The following TNRC6C variants were observed in gnomAD, a reference collection of about 807,000 sequenced individuals.
TNRC6C encodes trinucleotide repeat containing adaptor 6C.
In TNRC6C, 20 loss-of-function variants were observed where a neutral mutation model predicts 153.7. That is an observed-to-expected ratio of 0.13 (90% CI 0.09 to 0.19). TNRC6C has a LOEUF of 0.19. TNRC6C is among the 10% of genes least tolerant of loss of function. The pLI is 1.00. For synonymous variants in TNRC6C, 811 were observed against 841.4 expected (o/e 0.96, Z 0.63); for missense variants, 1,987 against 2,172.0 (o/e 0.91, Z 1.69).
chr17:78,039,455 A>G (rs1232551765), intron 2 of TNRC6C, among the ~76,000 whole-genome samples: 1 of 152,190 alleles, frequency 6.6e-6, no homozygotes, highest in Non-Finnish European at 1.5e-5. Flanking sequence ...CAAGTATCCC[A>G]TTTTAGAAGG....
rs753093808 is a variant in TNRC6C at position 78,049,323 on chromosome 17, G to T, written c.261G>T (p.Trp87Cys). 20 of 1,613,830 alleles carry T rather than the reference G, an allele frequency of 1.2e-5. No homozygotes were observed. The South Asian group carries it at 2.2e-4, about 18-fold the overall frequency. The change falls in exon 3 of 20, where the codon TGG becomes TGT. Residue 87 changes from tryptophan (W) to cysteine (C), a missense_variant. Around this residue, in one of 4 missense-constraint regions of TNRC6C, gnomAD observed 1,052 missense variants for 1,017.0 expected, o/e 1.03. Transcript: ENST00000301624. This position sits in a 1 kb window ranked among gnomAD's most constrained non-coding sequence, Gnocchi z 4.1. ...GAGATGGGAGAAGTCAGAATTGCTGGGGTGCTTCCAACTCCAATGCTGGCA... is the reference window on the plus strand; with the variant it reads ...GAGATGGGAGAAGTCAGAATTGCTGTGGTGCTTCCAACTCCAATGCTGGCA...
rs148761747 is a variant in TNRC6C at position 78,039,193 on chromosome 17, T to C, written c.-219+7351T>C. 1.7e-3 allele frequency among the ~76,000 whole-genome samples: 265 copies of C among 152,116 alleles called. 1 individual carries two copies. The highest frequency in any genetic ancestry group is 3.4e-3 in the Middle Eastern group (1 of 294). ...GGCACAGGTGTAGATAGCATTAGTCTTCCAGTGACCAGCAATCTCACTTTA... is the reference window on the plus strand; with the variant it reads ...GGCACAGGTGTAGATAGCATTAGTCCTCCAGTGACCAGCAATCTCACTTTA... On this transcript the variant is annotated intron_variant, in intron 2 of 19. Coordinates refer to ENST00000301624, the Ensembl canonical transcript of TNRC6C.
At chr17:78,087,032 A>G (rs780096535) in exon 13 of TNRC6C, 1 of 1,613,110 alleles carries the variant, frequency 6.2e-7, no homozygotes, top group Non-Finnish European at 8.5e-7. Context: ...CTCCCGGCCT[A>G]CCTGACCTGC....
intron 2 of TNRC6C, among the ~76,000 whole-genome samples, chr17:78,042,724 A>G (rs1052587080): frequency 6.6e-6 from 1 of 151,736 alleles, no homozygotes; most frequent in Non-Finnish European, 1.5e-5. Flanking sequence ...TGGTGGAGAT[A>G]ACAATGATGG....
intron 17 of TNRC6C, among the ~76,000 whole-genome samples, chr17:78,102,124 C>T (rs917673943): frequency 6.6e-5 from 10 of 152,324 alleles, no homozygotes; most frequent in Admixed American, 6.5e-4. Flanking sequence ...GCACTGATTC[C>T]ACACCGGGTC....
chr17:78,044,062 G>C (rs765753060), intron 2 of TNRC6C, among the ~76,000 whole-genome samples: 1 of 151,766 alleles, frequency 6.6e-6, no homozygotes, highest in Non-Finnish European at 1.5e-5. Context: ...CTTTCTTTTG[G>C]GTATATACCT....
chr17:78,026,106 A>G (rs1405927317), intron 1 of TNRC6C, among the ~76,000 whole-genome samples: 2 of 152,182 alleles, frequency 1.3e-5, no homozygotes, highest in African/African-American at 2.4e-5. Context: ...TTATTTCATC[A>G]ACTAATTTTT....
At chr17:78,026,723 C>T (rs1444334004) in intron 1 of TNRC6C, among the ~76,000 whole-genome samples, 2 of 152,042 alleles carry the variant, frequency 1.3e-5, no homozygotes, top group Non-Finnish European at 2.9e-5. Flanking sequence ...AGTTTTAAAC[C>T]AGGGAGGAGA....
At chr17:78,004,744 C>A (rs1018283543), upstream of TNRC6C, among the ~76,000 whole-genome samples, 2 of 151,994 alleles carry the variant, frequency 1.3e-5, no homozygotes, top group Non-Finnish European at 2.9e-5. Flanking sequence ...CCAAGTTATG[C>A]CATTTGTCTT....
chr17:77,966,727 T>A (rs1272466780), intron 1 of TNRC6C, among the ~76,000 whole-genome samples: 1 of 152,216 alleles, frequency 6.6e-6, no homozygotes, highest in Non-Finnish European at 1.5e-5. Context: ...AGCCATGTAA[T>A]AATAGACGTC....
chr17:78,050,055 C>T, exon 3 of TNRC6C: 1 of 1,610,816 alleles, frequency 6.2e-7, no homozygotes, highest in South Asian at 1.1e-5. Flanking sequence ...GGGGCCACCC[C>T]AGCCGAAGCA....
chr17:78,076,993 C>T (rs188690735), intron 8 of TNRC6C, among the ~76,000 whole-genome samples, 192 bp from the exon 11 acceptor site: 12 of 152,340 alleles, frequency 7.9e-5, no homozygotes, highest in African/African-American at 2.9e-4. Context: ...AAACTGAAAA[C>T]AGCATCTTAA....
In TNRC6C at chr17:78,087,208, A is replaced by T. The variant is rs2073310814; in HGVS notation, c.3802+115A>T. 2.0e-6 allele frequency: 3 copies of T among 1,474,458 alleles called. No individual in the cohort carries two copies. The East Asian group carries it at 7.1e-5, about 35-fold the overall frequency. The allele number at this position is 1,474,458 out of a possible 1,614,324, so 91.3% of individuals were successfully genotyped here. A position where few individuals can be genotyped will look rare whatever the true frequency, so the allele number is the denominator to read the frequency against. On this transcript the variant is annotated intron_variant, in intron 13 of 19. Coordinates refer to ENST00000301624, the Ensembl canonical transcript of TNRC6C. ...AGGAGGACTGGCCAGCGCTGAAACC[A>T]TAGCCTGTTGGAAATGCAGCCCCAG...
chr17:78,042,538 T>A (rs2072317454), intron 2 of TNRC6C, among the ~76,000 whole-genome samples: 1 of 152,144 alleles, frequency 6.6e-6, no homozygotes, highest in Non-Finnish European at 1.5e-5. Flanking sequence ...TCAAAATGGC[T>A]GCTCTTAAAA....
chr17:77,987,453 T>C (rs2071185448), intron 1 of TNRC6C, among the ~76,000 whole-genome samples: 1 of 152,186 alleles, frequency 6.6e-6, no homozygotes, highest in Admixed American at 6.5e-5. Context: ...TACCCTTTTG[T>C]TTTAGGAAGT....
intron 1 of TNRC6C, among the ~76,000 whole-genome samples, chr17:78,025,227 G>A (rs377678893): frequency 2.6e-5 from 4 of 152,076 alleles, no homozygotes; most frequent in Admixed American, 6.6e-5. Flanking sequence ...CCTGTGCTCC[G>A]CATAGTCATC....
chr17:78,030,501 G>A (rs1230974155), intron 1 of TNRC6C, among the ~76,000 whole-genome samples: 2 of 152,096 alleles, frequency 1.3e-5, no homozygotes, highest in African/African-American at 4.8e-5. Context: ...AATGTGTTGT[G>A]ACATTGCAAC....
At chr17:78,106,338 T>G (rs1476743060) in exon 20 of TNRC6C, 4 of 151,890 alleles carry the variant, frequency 2.6e-5, no homozygotes, top group African/African-American at 7.2e-5. Context: ...CGGGACAGTG[T>G]TGTTCCCTCG....
At chr17:78,073,140 T>C in intron 7 of TNRC6C, 46 bp downstream of exon 9, 1 of 1,486,692 alleles carries the variant, frequency 6.7e-7, no homozygotes, top group Middle Eastern at 1.7e-4. Flanking sequence ...AGCTGTGAAG[T>C]TTTACTTTCC....
Sources: allele counts gnomAD v4.1 joint callset (sites outside exome capture counted in the v4.1 genomes callset), GRCh38; gene constraint gnomAD v4.1.1; regional missense constraint gnomAD v4.1.1; non-coding constraint Gnocchi (gnomAD v3.1); transcripts MANE v1.5; gene names NCBI Gene and HGNC (gene_info 2026-07-23, HGNC 2026-07-21).